TMEFF2: variants seen among roughly 807,000 people sequenced by gnomAD.
The protein encoded by TMEFF2 is tomoregulin-2.
In TMEFF2, 28 loss-of-function variants were observed where a neutral mutation model predicts 53.8. That is an observed-to-expected ratio of 0.52 (90% confidence interval 0.39 to 0.71). The LOEUF is 0.71. Among genes scored for constraint, TMEFF2 ranks in the 30% least tolerant of loss-of-function variants. The probability of loss-of-function intolerance (pLI) is 0.00; values close to 1 mark genes in which losing one functional copy is unlikely to be tolerated. For missense variants in TMEFF2, 353 were observed against 455.2 expected (o/e 0.78, Z 2.04); for synonymous variants, 162 against 166.3 (o/e 0.97, Z 0.20).
intron 4 of TMEFF2, among the ~76,000 whole-genome samples, chr2:192,146,133 C>G (rs865804669): frequency 4.6e-5 from 7 of 151,880 alleles, no homozygotes; most frequent in Middle Eastern, 3.2e-3. Flanking sequence ...GACAAAATAA[C>G]TGACATCCTG....
chr2:191,992,510 G>A (rs569120300), intron 7 of TMEFF2, among the ~76,000 whole-genome samples: 41 of 152,092 alleles, frequency 2.7e-4, no homozygotes, highest in East Asian at 1.7e-3. Flanking sequence ...GTCCGGTTCC[G>A]GCTCAGCCAC....
chr2:192,194,578 G>A lies in TMEFF2; in HGVS notation c.-54C>T, dbSNP rs188871327. Reference sequence around the variant, plus strand: ...AACGGCTTCCGAGGAACACAGGATCGCGGGGGCCGGGCAGCGGGCTACTGA... The same window carrying A: ...AACGGCTTCCGAGGAACACAGGATCACGGGGGCCGGGCAGCGGGCTACTGA... On this transcript the variant is annotated 5_prime_UTR_variant, in exon 1 of 10. Coordinates refer to ENST00000272771, the MANE Select transcript of TMEFF2 (RefSeq NM_016192.4). The surrounding 1 kb of genome is among the most constrained non-coding windows in gnomAD (Gnocchi z 4.2). 46 of 1,580,256 alleles carry A rather than the reference G, an allele frequency of 2.9e-5. No individual in the cohort carries two copies. In the East Asian group the frequency reaches 8.6e-4, roughly 30 times the overall value.
chr2:192,039,857 G>A (rs1687429650), intron 5 of TMEFF2, among the ~76,000 whole-genome samples: 1 of 152,136 alleles, frequency 6.6e-6, no homozygotes, highest in South Asian at 2.1e-4. Context: ...ATTGATAATT[G>A]AAAGGAGACT....
intron 9 of TMEFF2, among the ~76,000 whole-genome samples, chr2:191,951,608 C>T (rs1691885471): frequency 6.6e-6 from 1 of 151,768 alleles, no homozygotes; most frequent in South Asian, 2.1e-4. Context: ...ACAAATGTGG[C>T]CAGGTCATCA....
At chr2:191,969,784 C>T (rs534236242) in intron 7 of TMEFF2, among the ~76,000 whole-genome samples, 2 of 152,242 alleles carry the variant, frequency 1.3e-5, no homozygotes, top group South Asian at 4.1e-4. Flanking sequence ...ACCATCTCTT[C>T]TCATAGTCAG....
At chr2:192,043,665 T>C (rs573820846) in intron 5 of TMEFF2, 1 of 152,332 alleles carries the variant, frequency 6.6e-6, no homozygotes, top group African/African-American at 2.4e-5. Flanking sequence ...AGATCTGGAA[T>C]GTATAATTGG....
At chr2:192,146,478 A>T (rs896177817) in intron 4 of TMEFF2, among the ~76,000 whole-genome samples, 2 of 152,056 alleles carry the variant, frequency 1.3e-5, no homozygotes, top group African/African-American at 4.8e-5. Context: ...GAGTCTAATG[A>T]CAGCATTTTC....
At chr2:192,045,450 A>G (rs1687592632) in intron 5 of TMEFF2, among the ~76,000 whole-genome samples, 1 of 152,222 alleles carries the variant, frequency 6.6e-6, no homozygotes, top group African/African-American at 2.4e-5. Context: ...GCAAAAAACC[A>G]TGAAGATATT....
chr2:192,157,730 G>A (rs182598015), intron 4 of TMEFF2, among the ~76,000 whole-genome samples: 2 of 151,946 alleles, frequency 1.3e-5, no homozygotes, highest in African/African-American at 4.8e-5. Context: ...CTTTATTCCA[G>A]GCTATGGTAA....
intron 4 of TMEFF2, among the ~76,000 whole-genome samples, chr2:192,175,610 G>C (rs1691023034): frequency 6.6e-6 from 1 of 151,318 alleles, no homozygotes; most frequent in Admixed American, 6.6e-5. Flanking sequence ...TCTTAAAATT[G>C]TATATAAATA....
chr2:192,047,992 C>T (rs1687664775), intron 5 of TMEFF2, among the ~76,000 whole-genome samples: 1 of 152,128 alleles, frequency 6.6e-6, no homozygotes, highest in South Asian at 2.1e-4. Context: ...CCTCAGAAAG[C>T]TATTTATTAT....
At chr2:192,063,753 C>T (rs1177024566) in intron 4 of TMEFF2, among the ~76,000 whole-genome samples, 2 of 151,718 alleles carry the variant, frequency 1.3e-5, no homozygotes, top group African/African-American at 4.8e-5. Context: ...TATAAACTTT[C>T]AGTAGTCTTA....
chr2:192,079,118 A>G (rs2884025), intron 4 of TMEFF2, among the ~76,000 whole-genome samples: 67,622 of 152,090 alleles, frequency 0.44, 15,876 homozygotes, highest in East Asian at 0.56. Flanking sequence ...CTTTCAAGCC[A>G]AGGCCACATT....
intron 5 of TMEFF2, among the ~76,000 whole-genome samples, chr2:192,037,627 G>T (rs974998848): frequency 3.7e-5 from 1 of 27,370 alleles, no homozygotes; most frequent in African/African-American, 5.9e-5. Context: ...AGAGAGAGAG[G>T]AGAGAAAGAG....
At chr2:191,967,404 T>A (rs568831334) in intron 7 of TMEFF2, among the ~76,000 whole-genome samples, 1 of 152,266 alleles carries the variant, frequency 6.6e-6, no homozygotes, top group Admixed American at 6.5e-5. Context: ...ATAGCTAATT[T>A]TAAGGATAAA....
intron 4 of TMEFF2, among the ~76,000 whole-genome samples, chr2:192,133,644 G>A (rs1426467566): frequency 6.6e-5 from 10 of 152,162 alleles, no homozygotes; most frequent in African/African-American, 1.2e-4. Flanking sequence ...TCCACAATCC[G>A]TTATTCTGTT....
intron 5 of TMEFF2, among the ~76,000 whole-genome samples, chr2:192,014,110 T>G (rs1686694944): frequency 6.6e-6 from 1 of 152,224 alleles, no homozygotes; most frequent in Non-Finnish European, 1.5e-5. Flanking sequence ...GTGCAATAGA[T>G]ATTTGTTGAA....
chr2:192,034,838 C>G (rs1417334537), intron 5 of TMEFF2: 1 of 152,298 alleles, frequency 6.6e-6, no homozygotes, highest in Non-Finnish European at 1.5e-5. Context: ...TTCCATCATC[C>G]TGAAGGAGTT....
At chr2:192,022,509 A>T (rs1416537472) in intron 5 of TMEFF2, among the ~76,000 whole-genome samples, 1 of 152,180 alleles carries the variant, frequency 6.6e-6, no homozygotes, top group African/African-American at 2.4e-5. Context: ...GCTTATTCTC[A>T]TGAAACATCC....
Sources: allele counts gnomAD v4.1 joint callset (sites outside exome capture counted in the v4.1 genomes callset), GRCh38; gene constraint gnomAD v4.1.1; non-coding constraint Gnocchi (gnomAD v3.1); transcripts MANE v1.5; gene names NCBI Gene and HGNC (gene_info 2026-07-23, HGNC 2026-07-21).